The following ZNF821 variants were observed in gnomAD, a reference collection of about 807,000 sequenced individuals.
ZNF821 encodes zinc finger protein 821.
In ZNF821, 16 loss-of-function variants were observed where a neutral mutation model predicts 44.3. The observed-to-expected ratio is 0.36, with a 90% CI of 0.24 to 0.55. The LOEUF (loss-of-function observed/expected upper bound fraction) is 0.55. Among genes scored for constraint, ZNF821 ranks in the 20% least tolerant of loss-of-function variants. ZNF821 has a pLI of 0.86. For missense variants in ZNF821, 436 were observed against 547.6 expected (o/e 0.80, Z 2.03); for synonymous variants, 204 against 197.6 (o/e 1.03, Z -0.27).
At chr16:71,877,777 G>T (rs559527367) in intron 3 of ZNF821, among the ~76,000 whole-genome samples, 120 of 150,856 alleles carry the variant, frequency 8.0e-4, no homozygotes, top group Non-Finnish European at 1.5e-3. Context: ...ATATTTAGCC[G>T]GGCGTGGTGG....
In ZNF821 at chr16:71,860,613, G is replaced by A; in HGVS notation, c.644C>T (p.Pro215Leu). 1 of 1,614,074 alleles carries A rather than the reference G, an allele frequency of 6.2e-7. No individual in the cohort carries two copies. Among genetic ancestry groups the A allele is most frequent in the Non-Finnish European group, 8.5e-7 (1 of 1,180,034 alleles). Residue 215 changes from proline to leucine, a missense_variant, in exon 8 of 8, where the codon CCC (proline) becomes CTC (leucine). This residue lies in a region of ZNF821 where 238 missense variants were observed against 281.4 expected (regional missense o/e 0.85). Coordinates refer to ENST00000425432, the MANE Select transcript of ZNF821 (RefSeq NM_001201552.2). This position sits in a 1 kb window ranked among gnomAD's most constrained non-coding sequence, Gnocchi z 7.3. ...ESLPTVHNEG[P>L]SSAEGKDIAF... ...AATATCCTTCCCCTCAGCACTGGAG[G>A]GACCCTCATTGTGGACTGTGGGTAG...
upstream of ZNF821, among the ~76,000 whole-genome samples, chr16:71,889,237 A>G (rs2036873606): frequency 1.3e-5 from 2 of 152,182 alleles, no homozygotes; most frequent in Non-Finnish European, 2.9e-5. Context: ...ACCATGTCTT[A>G]AAATAAAAAA....
chr16:71,862,466 TTC>T (rs1266558931), intron 6 of ZNF821, among the ~76,000 whole-genome samples: 1 of 151,998 alleles, frequency 6.6e-6, no homozygotes, highest in African/African-American at 2.4e-5. Context: ...TACAGCGAAA[TTC>T]TGTCTCAAAA....
chr16:71,876,725 T>C (rs2035863085), intron 3 of ZNF821, among the ~76,000 whole-genome samples: 1 of 152,004 alleles, frequency 6.6e-6, no homozygotes, highest in African/African-American at 2.4e-5. Context: ...CTCCCACCTC[T>C]GTCTCCCAAG....
chr16:71,894,756 C>A, intron 1 of ZNF821: 1 of 985,640 alleles, frequency 1.0e-6, no homozygotes, highest in Non-Finnish European at 1.5e-6. Flanking sequence ...GGCTGGTCTG[C>A]AACTCCCGGG....
chr16:71,875,460 T>TC (rs2035699251), intron 3 of ZNF821, among the ~76,000 whole-genome samples: 2 of 150,410 alleles, frequency 1.3e-5, no homozygotes, highest in Non-Finnish European at 3.0e-5. Flanking sequence ...TTTTTTCTTT[T>TC]TTTTTTTTTT....
At chr16:71,892,245 G>T (rs772697006) in intron 1 of ZNF821, among the ~76,000 whole-genome samples, 2 of 143,084 alleles carry the variant, frequency 1.4e-5, no homozygotes, top group African/African-American at 5.1e-5. Flanking sequence ...TAGTTAGGTG[G>T]GGCTCAATGA....
Position 71,867,995 on chromosome 16 carries a change from G to C in ZNF821, c.83C>G (p.Ala28Gly). 2.0e-6 allele frequency: 3 copies of C among 1,535,796 alleles called. No individual in the cohort carries two copies. Among genetic ancestry groups the C allele is most frequent in the Non-Finnish European group, 2.6e-6 (3 of 1,146,788 alleles). Residue 28 changes from alanine to glycine, a missense_variant, in exon 4 of 8, where the codon GCG (alanine) becomes GGG (glycine). Physicochemically the swap from Ala to Gly is moderately conservative, Grantham distance 60. Around this residue, in one of 5 missense-constraint regions of ZNF821, gnomAD observed 238 missense variants for 281.4 expected, o/e 0.85. Coordinates refer to ENST00000425432, the MANE Select transcript of ZNF821 (RefSeq NM_001201552.2). ...TCCAGGAAAATCAGTTTTCATCATC[G>C]CCTGGCGGGCTTGCTCTTCTAGCCC... is the stretch of plus-strand genomic sequence containing the variant. ...FAGLEEQARQ[A>G]MMKTDFPGDL...
upstream of ZNF821, among the ~76,000 whole-genome samples, chr16:71,889,778 C>A (rs779219987): frequency 2.2e-4 from 34 of 152,156 alleles, no homozygotes; most frequent in Non-Finnish European, 4.3e-4. Context: ...GGCAAAACCC[C>A]ATCTCTACCA....
intron 3 of ZNF821, among the ~76,000 whole-genome samples, chr16:71,874,262 T>C (rs905008559): frequency 1.3e-5 from 2 of 151,814 alleles, no homozygotes; most frequent in South Asian, 2.1e-4. Flanking sequence ...GAGCCCGACC[T>C]GGGAATTCTT....
chr16:71,859,936 G>A lies in ZNF821; in HGVS notation c.*82C>T. ...GCAGCAAGGACAGGGCCTCGTGGGTGGCAGCAGCACTGGTCCTCGTGGCTG... is the reference window on the plus strand; with the variant it reads ...GCAGCAAGGACAGGGCCTCGTGGGTAGCAGCAGCACTGGTCCTCGTGGCTG... On this transcript the variant is annotated 3_prime_UTR_variant, in exon 8 of 8. Coordinates refer to ENST00000425432, the MANE Select transcript of ZNF821 (RefSeq NM_001201552.2). 1 of 1,411,728 alleles carries A rather than the reference G, an allele frequency of 7.1e-7. No homozygotes were observed. The highest frequency in any genetic ancestry group is 2.5e-5 in the East Asian group (1 of 40,302). 87.5% of individuals were successfully genotyped at this position (1,411,728 alleles called of 1,614,324 possible).
intron 1 of ZNF821, among the ~76,000 whole-genome samples, chr16:71,891,774 C>G (rs1282597271): frequency 6.6e-6 from 1 of 152,058 alleles, no homozygotes; most frequent in Non-Finnish European, 1.5e-5. Context: ...CTTTAGGAGG[C>G]TGAGGCGGGC....
chr16:71,889,851 A>C (rs2036876211), intron 1 of ZNF821, among the ~76,000 whole-genome samples: 1 of 152,186 alleles, frequency 6.6e-6, no homozygotes, highest in Non-Finnish European at 1.5e-5. Flanking sequence ...CCAGCTACTC[A>C]GGAGGCTGAT....
At position 71,860,072 on chromosome 16, in the gene ZNF821, G is replaced by A; in HGVS notation, c.1185C>T (p.Ser395=). The A allele has an allele frequency of 1.2e-6, 2 of 1,614,028 alleles. No homozygotes were observed. Among genetic ancestry groups the A allele is most frequent in the African/African-American group, 1.3e-5 (1 of 75,072 alleles). The change falls in exon 8 of 8, where the codon AGC becomes AGT. Residue 395 remains serine, a synonymous_variant. Transcript: ENST00000425432. The surrounding 1 kb of genome is among the most constrained non-coding windows in gnomAD (Gnocchi z 7.3). ...QLPVSGVELD[S]QLLGKMAFEE... is the part of the protein sequence containing the mutation. Reference sequence around the variant, plus strand: ...CAAAGGCCATCTTGCCCAGAAGCTGGCTGTCCAACTCCACCCCACTTACAG... The same window carrying A: ...CAAAGGCCATCTTGCCCAGAAGCTGACTGTCCAACTCCACCCCACTTACAG...
At chr16:71,876,200 C>G (rs539118700) in intron 3 of ZNF821, among the ~76,000 whole-genome samples, 31 of 152,166 alleles carry the variant, frequency 2.0e-4, no homozygotes, top group African/African-American at 6.7e-4. Context: ...ACACTTGTGT[C>G]TTTTTATTTA....
In ZNF821 at chr16:71,859,801, G is replaced by A; in HGVS notation, c.*217C>T. Reference sequence around the variant, plus strand: ...GGGAGGCCAGTTCTCTGGACTGCCTGCTCCCTTGTCCAGAGCTGCCTTGAG... The same window carrying A: ...GGGAGGCCAGTTCTCTGGACTGCCTACTCCCTTGTCCAGAGCTGCCTTGAG... On this transcript the variant is annotated 3_prime_UTR_variant, in exon 8 of 8. Coordinates refer to ENST00000425432, the MANE Select transcript of ZNF821 (RefSeq NM_001201552.2). The A allele has an allele frequency of 1.7e-6, 1 of 581,984 alleles. No homozygotes were observed. The highest frequency in any genetic ancestry group is 3.0e-6 in the Non-Finnish European group (1 of 335,866). 36.1% of individuals were successfully genotyped at this position (581,984 alleles called of 1,614,324 possible).
chr16:71,880,051 C>A, intron 2 of ZNF821, 28 bp from the exon 3 acceptor site: 1 of 1,087,364 alleles, frequency 9.2e-7, no homozygotes. Context: ...ATTGTTAGCA[C>A]ATGTCATTTT....
chr16:71,887,046 C>G (rs972508514), upstream of ZNF821, among the ~76,000 whole-genome samples: 4 of 152,138 alleles, frequency 2.6e-5, no homozygotes, highest in African/African-American at 9.7e-5. Flanking sequence ...GAATTATATT[C>G]TGTTGTATGG....
chr16:71,879,792 C>T, intron 3 of ZNF821, 115 bp downstream of exon 3: 1 of 1,021,286 alleles, frequency 9.8e-7, no homozygotes, highest in Non-Finnish European at 1.4e-6. Context: ...CTGTGTTTTA[C>T]ATTTAAACTT....
Sources: allele counts gnomAD v4.1 joint callset (sites outside exome capture counted in the v4.1 genomes callset), GRCh38; gene constraint gnomAD v4.1.1; regional missense constraint gnomAD v4.1.1; non-coding constraint Gnocchi (gnomAD v3.1); transcripts MANE v1.5; gene names NCBI Gene and HGNC (gene_info 2026-07-23, HGNC 2026-07-21).